MALRD1: variants seen among roughly 807,000 people sequenced by gnomAD.
MALRD1 encodes MAM and LDL receptor class A domain containing 1.
A neutral mutation model predicts 242.1 loss-of-function variants in MALRD1; 247 were observed. The ratio of observed to expected loss-of-function variants is 1.02; its 90% CI spans 0.92 to 1.13. MALRD1 has a LOEUF of 1.13. Among genes scored for constraint, MALRD1 ranks in the 50% most tolerant of loss-of-function variants. The pLI is 0.00. For synonymous variants in MALRD1, 995 were observed against 866.6 expected (o/e 1.15, Z -2.60); for missense variants, 2,989 against 2,533.1 (o/e 1.18, Z -3.86).
intron 26 of MALRD1, among the ~76,000 whole-genome samples, chr10:19,378,767 C>G (rs1041030072): frequency 1.3e-5 from 2 of 152,034 alleles, no homozygotes; most frequent in Non-Finnish European, 2.9e-5. Context: ...ACATATTGGT[C>G]TATCATCTTG....
chr10:19,368,748 G>C lies in MALRD1; in HGVS notation c.4441+16451G>C, dbSNP rs952315822. ...TATTAATTCTGCTCAGTGATCATGG[G>C]ATGTTTTTCCATTCCTTTGTATCCT... is the stretch of plus-strand genomic sequence containing the variant. On this transcript the variant is annotated intron_variant, in intron 26 of 39. Transcript: ENST00000454679. Among the ~76,000 whole-genome samples the C allele has an allele frequency of 2.0e-5, 3 of 151,436 alleles. No individual in the cohort carries two copies. In the South Asian group the frequency reaches 6.2e-4, roughly 31 times the overall value.
chr10:19,206,443 T>C (rs767698520), intron 17 of MALRD1, among the ~76,000 whole-genome samples: 4 of 152,188 alleles, frequency 2.6e-5, no homozygotes, highest in Non-Finnish European at 5.9e-5. Context: ...TTTTGCAAAT[T>C]TCGAAAGCCT....
chr10:19,491,253 G>T (rs1048666320), intron 29 of MALRD1: 2 of 685,654 alleles, frequency 2.9e-6, no homozygotes, highest in Admixed American at 2.3e-5. Context: ...AAATTTGAGT[G>T]TCTCATCCAT....
chr10:19,497,012 T>C (rs901263350), intron 30 of MALRD1, among the ~76,000 whole-genome samples: 3 of 152,114 alleles, frequency 2.0e-5, no homozygotes, highest in African/African-American at 7.2e-5. Flanking sequence ...TGGATAAATA[T>C]CTTTAGCATC....
intron 19 of MALRD1, among the ~76,000 whole-genome samples, chr10:19,270,746 G>T (rs1192403982): frequency 6.6e-6 from 1 of 150,962 alleles, no homozygotes; most frequent in African/African-American, 2.4e-5. Context: ...ACTATTAATT[G>T]TTAGCCTAAA....
In MALRD1 at chr10:19,087,920, C is replaced by G. The variant is rs1009205013; in HGVS notation, c.421C>G (p.Gln141Glu). ...CAGAGTTTTCCTTCCAACAAATGAT[C>G]AACATGACTGCCAGGTATTTGAAAG... is the stretch of plus-strand genomic sequence containing the variant. Reference protein sequence around the residue: ...RSRVFLPTNDQHDCQITFYYF... With the variant: ...RSRVFLPTNDEHDCQITFYYF... The change falls in exon 3 of 40, where the codon CAA (glutamine) becomes GAA (glutamate). Residue 141 changes from glutamine to glutamate, a missense_variant. Coordinates refer to ENST00000454679, the MANE Select transcript of MALRD1 (RefSeq NM_001142308.3). The G allele has an allele frequency of 1.5e-5, 18 of 1,231,196 alleles. No individual in the cohort carries two copies. In the African/African-American group the frequency reaches 1.6e-4, roughly 11 times the overall value. The allele number at this position is 1,231,196 out of a possible 1,614,324, so 76.3% of individuals were successfully genotyped here.
At chr10:19,289,066 ATT>A (rs568022117) in intron 21 of MALRD1, among the ~76,000 whole-genome samples, 1 of 151,820 alleles carries the variant, frequency 6.6e-6, no homozygotes, top group African/African-American at 2.4e-5. Context: ...TTTATTCAAA[ATT>A]TTTTTCTTTA....
chr10:19,277,504 G>A (rs974214333), intron 19 of MALRD1, among the ~76,000 whole-genome samples: 2 of 152,100 alleles, frequency 1.3e-5, no homozygotes, highest in Non-Finnish European at 2.9e-5. Context: ...ATCTGAGTAT[G>A]CATGCCTGGT....
chr10:19,711,091 T>G (rs966873190), intron 38 of MALRD1: 2 of 152,216 alleles, frequency 1.3e-5, no homozygotes, highest in Non-Finnish European at 1.5e-5. Flanking sequence ...GGAGGGCGAT[T>G]GGCTTCTTAA....
At chr10:19,257,036 C>T (rs1481853048) in intron 18 of MALRD1, among the ~76,000 whole-genome samples, 1 of 152,024 alleles carries the variant, frequency 6.6e-6, no homozygotes, top group Non-Finnish European at 1.5e-5. Context: ...CTACCATATA[C>T]TACAGTGGTT....
intron 33 of MALRD1, among the ~76,000 whole-genome samples, chr10:19,571,262 T>G (rs1836526561): frequency 6.6e-6 from 1 of 152,138 alleles, no homozygotes; most frequent in African/African-American, 2.4e-5. Flanking sequence ...GTTTATCCTG[T>G]GTAAGAAAGA....
chr10:19,291,194 A>G (rs1841407028), intron 21 of MALRD1, among the ~76,000 whole-genome samples: 2 of 152,162 alleles, frequency 1.3e-5, no homozygotes, highest in South Asian at 2.1e-4. Context: ...AGCAAAATAA[A>G]GTTCCTCACA....
intron 29 of MALRD1, among the ~76,000 whole-genome samples, chr10:19,473,856 T>A (rs994583622): frequency 6.6e-6 from 1 of 152,142 alleles, no homozygotes; most frequent in Non-Finnish European, 1.5e-5. Flanking sequence ...AACAGTTTGA[T>A]TATATGGTAA....
At chr10:19,286,371 T>A (rs1841118607) in intron 21 of MALRD1, among the ~76,000 whole-genome samples, 1 of 150,094 alleles carries the variant, frequency 6.7e-6, no homozygotes, top group Non-Finnish European at 1.5e-5. Context: ...GCCCATTCAG[T>A]ATGATATTGG....
intron 18 of MALRD1, among the ~76,000 whole-genome samples, chr10:19,241,080 A>C (rs376284257): frequency 2.6e-5 from 4 of 152,124 alleles, no homozygotes; most frequent in Non-Finnish European, 4.4e-5. Flanking sequence ...GCCTCATAAG[A>C]TGAGTATGGA....
intron 38 of MALRD1, among the ~76,000 whole-genome samples, chr10:19,727,846 A>T (rs945017060): frequency 6.6e-6 from 1 of 152,140 alleles, no homozygotes; most frequent in African/African-American, 2.4e-5. Flanking sequence ...TTATAATGAA[A>T]CAAACATTTT....
chr10:19,520,762 C>G (rs1245495057), intron 31 of MALRD1, among the ~76,000 whole-genome samples: 2 of 151,978 alleles, frequency 1.3e-5, no homozygotes, highest in African/African-American at 4.8e-5. Context: ...AAAAACAAAC[C>G]CTGATTATCT....
chr10:19,698,303 A>G (rs959480590), intron 38 of MALRD1, among the ~76,000 whole-genome samples: 1 of 152,170 alleles, frequency 6.6e-6, no homozygotes, highest in African/African-American at 2.4e-5. Flanking sequence ...CTCATACACA[A>G]GTATCACAAG....
chr10:19,463,915 G>C (rs1431037417), intron 29 of MALRD1, among the ~76,000 whole-genome samples: 1 of 152,176 alleles, frequency 6.6e-6, no homozygotes, highest in Non-Finnish European at 1.5e-5. Flanking sequence ...CATTCTTGCA[G>C]TAGTAAGGTG....
Sources: gnomAD v4.1 joint callset for allele counts (sites outside exome capture counted in the v4.1 genomes callset) on GRCh38, gnomAD v4.1.1 for gene constraint, MANE v1.5 for transcripts, NCBI Gene and HGNC (gene_info 2026-07-23, HGNC 2026-07-21) for gene names.